The following FGD3 variants were observed in gnomAD, a reference collection of about 807,000 sequenced individuals.
FGD3 encodes the protein FYVE, RhoGEF and PH domain containing 3.
In FGD3, 45 loss-of-function variants were observed where a neutral mutation model predicts 71.8. The ratio of observed to expected loss-of-function variants is 0.63; its 90% CI spans 0.49 to 0.80. The LOEUF (loss-of-function observed/expected upper bound fraction) is 0.80. Ranked by LOEUF, FGD3 falls within the 30% of genes least tolerant of loss-of-function variation. The pLI, the probability that FGD3 is intolerant of heterozygous loss-of-function variation, is 0.00. For missense variants in FGD3, 844 were observed against 951.5 expected (o/e 0.89, Z 1.49); for synonymous variants, 378 against 392.8 (o/e 0.96, Z 0.44).
intron 3 of FGD3, among the ~76,000 whole-genome samples, chr9:92,985,579 A>G (rs1390851951): frequency 6.6e-6 from 1 of 152,112 alleles, no homozygotes; most frequent in Non-Finnish European, 1.5e-5. Context: ...CCCGAGTTCA[A>G]GTGATTCTCC....
intron 1 of FGD3, among the ~76,000 whole-genome samples, chr9:92,952,473 G>C (rs1361219530): frequency 6.6e-6 from 1 of 151,950 alleles, no homozygotes; most frequent in Non-Finnish European, 1.5e-5. Context: ...TCCTGACCTC[G>C]TGATCCGCCT....
chr9:93,014,005 C>G lies in FGD3; in HGVS notation c.1182+7C>G, dbSNP rs772176468. The G allele has an allele frequency of 6.2e-7, 1 of 1,600,106 alleles. No individual in the cohort carries two copies. Among genetic ancestry groups the G allele is most frequent in the Non-Finnish European group, 8.5e-7 (1 of 1,173,932 alleles). ...GGACCGCCACCTCTTCCTGGTGAGC[C>G]TGGCCCCTGCCAGCCCAGCCGCAGA... On this transcript the variant is annotated splice_region_variant and intron_variant, in intron 9 of 17. Transcript: ENST00000375482.
intron 1 of FGD3, among the ~76,000 whole-genome samples, chr9:92,960,848 C>T (rs1172003382): frequency 6.6e-6 from 1 of 152,078 alleles, no homozygotes; most frequent in Non-Finnish European, 1.5e-5. Flanking sequence ...GGTGTTCCCC[C>T]TTGGCCTCTC....
Position 93,032,780 on chromosome 9 carries a change from G to T in FGD3, c.1692G>T (p.Gly564=). 6.2e-7 allele frequency: 1 copy of T among 1,614,260 alleles called. No homozygotes were observed. Among genetic ancestry groups the T allele is most frequent in the Non-Finnish European group, 8.5e-7 (1 of 1,180,042 alleles). ...CCTCTGTTTGGCAGGTCATCTGTGG[G>T]AAGTGCTCCGAGTTCAAGGCCGAGA... The part of the protein sequence containing the change: ...HCKLCGAVIC[G]KCSEFKAENS... The change falls in exon 16 of 18, where the codon GGG becomes GGT. Residue 564 remains glycine (G), a synonymous_variant. Transcript: ENST00000375482.
rs566329505 is a variant in FGD3 at position 93,001,289 on chromosome 9, G to T, written c.454-1636G>T. ...TTTTTCTCAAGCAGCTCATAGATCT[G>T]TGTTTCCTTAAGATCAGTTTTGAAG... On this transcript the variant is annotated intron_variant, in intron 3 of 17. Transcript: ENST00000375482. Among the ~76,000 whole-genome samples the T allele has an allele frequency of 6.6e-5, 10 of 152,086 alleles. No homozygotes were observed. In the East Asian group the frequency reaches 1.9e-3, roughly 29 times the overall value.
At chr9:92,949,562 C>G (rs1371014764) in intron 1 of FGD3, among the ~76,000 whole-genome samples, 1 of 152,136 alleles carries the variant, frequency 6.6e-6, no homozygotes, top group Non-Finnish European at 1.5e-5. Flanking sequence ...CCAGGACATC[C>G]CAACGAGGGA....
intron 3 of FGD3, among the ~76,000 whole-genome samples, chr9:92,989,886 T>C (rs904181692): frequency 6.6e-6 from 1 of 151,464 alleles, no homozygotes; most frequent in African/African-American, 2.4e-5. Context: ...ATTGGGGTCC[T>C]GTGTTTTTTT....
chr9:92,977,791 A>T (rs1859823477), intron 3 of FGD3, among the ~76,000 whole-genome samples: 1 of 151,948 alleles, frequency 6.6e-6, no homozygotes, highest in African/African-American at 2.4e-5. Context: ...TCTGCGGGAA[A>T]CTTGAGTTCC....
chr9:92,997,569 T>A (rs972933455), intron 3 of FGD3, among the ~76,000 whole-genome samples: 15 of 152,178 alleles, frequency 9.9e-5, no homozygotes, highest in African/African-American at 3.6e-4. Context: ...TTCCTAGCAT[T>A]GATGGTCTTT....
intron 13 of FGD3, among the ~76,000 whole-genome samples, chr9:93,021,489 G>T (rs147060976): frequency 6.1e-4 from 93 of 152,258 alleles, no homozygotes; most frequent in Non-Finnish European, 2.5e-4. Flanking sequence ...GGAGTCACTG[G>T]CCCTGGACAA....
chr9:92,998,141 C>T (rs1429238565), intron 3 of FGD3, among the ~76,000 whole-genome samples: 1 of 152,208 alleles, frequency 6.6e-6, no homozygotes, highest in Non-Finnish European at 1.5e-5. Flanking sequence ...CACATAGTCT[C>T]ATATTTCTTG....
chr9:93,026,967 G>A (rs1018583947), intron 14 of FGD3, among the ~76,000 whole-genome samples: 1 of 152,234 alleles, frequency 6.6e-6, no homozygotes, highest in African/African-American at 2.4e-5. Flanking sequence ...TGCCCACCTG[G>A]AGAAGAGGTT....
intron 9 of FGD3, 39 bp downstream of exon 9, chr9:93,014,037 C>T (rs764844441): frequency 1.3e-6 from 2 of 1,575,984 alleles, no homozygotes; most frequent in South Asian, 1.2e-5. Flanking sequence ...CAGAGCCTCC[C>T]TTGCCATTTG....
intron 13 of FGD3, 22 bp downstream of exon 13, chr9:93,020,446 C>T (rs924141973): frequency 3.1e-6 from 5 of 1,601,452 alleles, no homozygotes; most frequent in Non-Finnish European, 3.4e-6. Flanking sequence ...GCCCGGGGTG[C>T]AGAGAGACCT....
chr9:93,000,698 C>T (rs765819523), intron 3 of FGD3, among the ~76,000 whole-genome samples: 22 of 152,080 alleles, frequency 1.4e-4, no homozygotes, highest in East Asian at 3.9e-4. Context: ...ATTTTTCTCT[C>T]GCTGCTTTCA....
In FGD3 at chr9:93,003,938, G is replaced by T; in HGVS notation, c.544-63G>T. The T allele has an allele frequency of 6.3e-7, 1 of 1,594,558 alleles. No individual in the cohort carries two copies. The highest frequency in any genetic ancestry group is 8.6e-7 in the Non-Finnish European group (1 of 1,166,542). On this transcript the variant is annotated intron_variant, in intron 4 of 17. Coordinates refer to ENST00000375482, the MANE Select transcript of FGD3 (RefSeq NM_001083536.2). The surrounding 1 kb of genome is among the most constrained non-coding windows in gnomAD (Gnocchi z 4.1). ...GAGCGCCCTCACCTGTGGCCGAAGCGGGGCGGCAACTGTGCTCAGTGGAAG... is the reference window on the plus strand; with the variant it reads ...GAGCGCCCTCACCTGTGGCCGAAGCTGGGCGGCAACTGTGCTCAGTGGAAG...
chr9:92,973,676 T>G (rs970989754), intron 1 of FGD3, among the ~76,000 whole-genome samples: 3 of 152,176 alleles, frequency 2.0e-5, no homozygotes, highest in Non-Finnish European at 4.4e-5. Context: ...TGTGGGGCTT[T>G]TAGGGCTGGC....
intron 1 of FGD3, among the ~76,000 whole-genome samples, chr9:92,970,427 G>A (rs562766785): frequency 6.6e-6 from 1 of 152,348 alleles, no homozygotes; most frequent in Admixed American, 6.5e-5. Flanking sequence ...AATGTCTGGA[G>A]AACAAAAGAG....
At position 93,028,995 on chromosome 9, in the gene FGD3, G is replaced by GTTTTTT. The variant is rs869235976; in HGVS notation, c.1558-842_1558-837dup. Among the ~76,000 whole-genome samples, 114 of 51,754 alleles carry GTTTTTT rather than the reference G, an allele frequency of 2.2e-3. 29 individuals are homozygous for GTTTTTT. Among genetic ancestry groups the GTTTTTT allele is most frequent in the Non-Finnish European group, 3.7e-3 (100 of 27,380 alleles). The allele number at this position is 51,754 out of a possible 152,430, so 34.0% of individuals were successfully genotyped here. A position where few individuals can be genotyped will look rare whatever the true frequency, so the allele number is the denominator to read the frequency against. On this transcript the variant is annotated intron_variant, in intron 14 of 17. Coordinates refer to ENST00000375482, the MANE Select transcript of FGD3 (RefSeq NM_001083536.2). ...CATGGCTTCCTCACATGTCCTCACA[G>GTTTTTT]TTTTTTTTTTTTTTTTTTTTTTTTT...
Sources: gnomAD v4.1 joint callset for allele counts (sites outside exome capture counted in the v4.1 genomes callset) on GRCh38, gnomAD v4.1.1 for gene constraint, Gnocchi (gnomAD v3.1) non-coding constraint, MANE v1.5 for transcripts, NCBI Gene and HGNC (gene_info 2026-07-23, HGNC 2026-07-21) for gene names.